CAMTA1: variants seen among roughly 807,000 people sequenced by gnomAD.
CAMTA1 encodes the protein calmodulin binding transcription activator 1.
In CAMTA1, 27 loss-of-function variants were observed where a neutral mutation model predicts 170.9. That is an observed-to-expected ratio of 0.16 (90% CI 0.12 to 0.22). The LOEUF is 0.22. CAMTA1 is among the 10% of genes least tolerant of loss of function. The pLI, the probability that CAMTA1 is intolerant of heterozygous loss-of-function variation, is 1.00. For missense variants in CAMTA1, 1,619 were observed against 2,217.2 expected (o/e 0.73, Z 5.42); for synonymous variants, 833 against 891.5 (o/e 0.93, Z 1.17).
chr1:7,357,141 A>T (rs2085177391), intron 5 of CAMTA1, among the ~76,000 whole-genome samples: 1 of 152,210 alleles, frequency 6.6e-6, no homozygotes, highest in Non-Finnish European at 1.5e-5. Context: ...GAATTTCAGG[A>T]TGAAACCAAG....
intron 4 of CAMTA1, among the ~76,000 whole-genome samples, chr1:7,181,327 G>A (rs1354608061): frequency 2.0e-5 from 3 of 152,124 alleles, no homozygotes; most frequent in Non-Finnish European, 4.4e-5. Flanking sequence ...TAAAGACCAG[G>A]ATCAAGGCAA....
intron 6 of CAMTA1, among the ~76,000 whole-genome samples, chr1:7,596,735 G>A (rs978701824): frequency 1.3e-5 from 2 of 152,230 alleles, no homozygotes; most frequent in African/African-American, 2.4e-5. Context: ...CAAGCCCCAC[G>A]GCACTTGCTT....
At position 7,748,683 on chromosome 1, in the gene CAMTA1, C is replaced by T. The variant is rs1383486767; in HGVS notation, c.4689+902C>T. Among the ~76,000 whole-genome samples, 3 of 152,156 alleles carry T rather than the reference C, an allele frequency of 2.0e-5. No homozygotes were observed. Among genetic ancestry groups the T allele is most frequent in the Non-Finnish European group, 4.4e-5 (3 of 68,016 alleles). On this transcript the variant is annotated intron_variant, in intron 19 of 22. Coordinates refer to ENST00000303635, the MANE Select transcript of CAMTA1 (RefSeq NM_015215.4). The surrounding 1 kb of genome is among the most constrained non-coding windows in gnomAD (Gnocchi z 4.7). ...AAGGTATTTAATCTTTGGCCATTTT[C>T]CTTTCAGCTTCTTATCCATTTTAAA...
In CAMTA1 at chr1:6,895,348, A is replaced by G. The variant is rs1675396755; in HGVS notation, c.234+70138A>G. Among the ~76,000 whole-genome samples the G allele has an allele frequency of 2.0e-5, 3 of 152,068 alleles. No individual in the cohort carries two copies. The South Asian group carries it at 6.2e-4, about 31-fold the overall frequency. On this transcript the variant is annotated intron_variant, in intron 3 of 22. Coordinates refer to ENST00000303635, the MANE Select transcript of CAMTA1 (RefSeq NM_015215.4). ...ACCCATCTTTCTCCTTCCAAAATAC[A>G]TCCATCTTTGCACATCTCTGCTAGT...
rs753137031 is a variant in CAMTA1, at chr1:7,664,330, T to C, written c.1783T>C (p.Tyr595His). ...DFSAIDSNKDYTSSFSQTGHS... is the reference protein window; with the variant it reads ...DFSAIDSNKDHTSSFSQTGHS... The stretch of plus-strand genomic sequence containing the variant: ...CAGCGCCATCGACTCCAACAAGGAC[T>C]ACACGTCCAGCTTCAGCCAGACGGG... Residue 595 changes from tyrosine (Y) to histidine (H), a missense_variant, in exon 9 of 23, where the codon TAC (tyrosine) becomes CAC (histidine). Tyr to His is a moderately conservative substitution (Grantham distance 83). Transcript: ENST00000303635. 1.2e-6 allele frequency: 2 copies of C among 1,613,460 alleles called. No homozygotes were observed. The highest frequency in any genetic ancestry group is 1.7e-6 in the Non-Finnish European group (2 of 1,180,006).
At chr1:6,999,764 G>A (rs1697930182) in intron 3 of CAMTA1, among the ~76,000 whole-genome samples, 1 of 152,162 alleles carries the variant, frequency 6.6e-6, no homozygotes. Flanking sequence ...ACAGGTCTAG[G>A]CCAGGGGCAG....
chr1:7,466,044 A>T (rs1490644113), intron 5 of CAMTA1, among the ~76,000 whole-genome samples: 1 of 152,210 alleles, frequency 6.6e-6, no homozygotes, highest in East Asian at 1.9e-4. Context: ...GGCTCATCAC[A>T]TGAGTCAAAG....
chr1:7,094,141 G>A (rs1049322847), intron 4 of CAMTA1, among the ~76,000 whole-genome samples: 7 of 152,162 alleles, frequency 4.6e-5, no homozygotes, highest in Non-Finnish European at 8.8e-5. Context: ...TTTCCTATTA[G>A]TATTATAATA....
chr1:7,405,532 G>A (rs113438399), intron 5 of CAMTA1, among the ~76,000 whole-genome samples: 2,609 of 90,384 alleles, frequency 0.029, 70 homozygotes, highest in African/African-American at 0.12. Context: ...CACCATGCCT[G>A]GCTAATTTTT....
At chr1:7,020,408 G>C (rs1359712364) in intron 3 of CAMTA1, among the ~76,000 whole-genome samples, 1 of 152,238 alleles carries the variant, frequency 6.6e-6, no homozygotes, top group Non-Finnish European at 1.5e-5. Flanking sequence ...GGCTGGATGA[G>C]TCTAGCCTGG....
At chr1:7,712,347 G>A (rs1360880443) in intron 11 of CAMTA1, among the ~76,000 whole-genome samples, 1 of 151,592 alleles carries the variant, frequency 6.6e-6, no homozygotes, top group East Asian at 1.9e-4. Flanking sequence ...TTGAGACAGG[G>A]TCTGACTCTG....
chr1:7,616,488 G>A (rs2095559615), intron 6 of CAMTA1, among the ~76,000 whole-genome samples: 1 of 152,260 alleles, frequency 6.6e-6, no homozygotes, highest in Non-Finnish European at 1.5e-5. Context: ...GCCCAGGACT[G>A]CAAGGCGAAG....
intron 3 of CAMTA1, among the ~76,000 whole-genome samples, chr1:6,897,191 G>C (rs1454945648): frequency 6.6e-6 from 1 of 152,220 alleles, no homozygotes; most frequent in Non-Finnish European, 1.5e-5. Flanking sequence ...GTTGAGCACA[G>C]GCAGAGTCAG....
intron 6 of CAMTA1, among the ~76,000 whole-genome samples, chr1:7,537,910 TCTCAAAGG>T (rs1359968980): frequency 6.6e-6 from 1 of 152,248 alleles, no homozygotes; most frequent in African/African-American, 2.4e-5. Flanking sequence ...AACCTGTTCC[TCTCAAAGG>T]GGTCTTTTCC....
At chr1:7,452,938 G>C (rs1221119799) in intron 5 of CAMTA1, among the ~76,000 whole-genome samples, 1 of 152,228 alleles carries the variant, frequency 6.6e-6, no homozygotes, top group Non-Finnish European at 1.5e-5. Flanking sequence ...ATGGGCCACA[G>C]TTTCTCTATG....
intron 3 of CAMTA1, among the ~76,000 whole-genome samples, chr1:7,035,343 T>C (rs963915369): frequency 6.6e-6 from 1 of 151,812 alleles, no homozygotes; most frequent in Non-Finnish European, 1.5e-5. Context: ...GAGGTTGCAG[T>C]GAGCCGAGAT....
At chr1:7,364,533 C>T (rs1338241817) in intron 5 of CAMTA1, among the ~76,000 whole-genome samples, 1 of 151,832 alleles carries the variant, frequency 6.6e-6, no homozygotes, top group Non-Finnish European at 1.5e-5. Flanking sequence ...CACTGCTTTC[C>T]TGGGTTTCTT....
At position 6,790,518 on chromosome 1, in the gene CAMTA1, C is replaced by T. The variant is rs193257474; in HGVS notation, c.45+4943C>T. 4.1e-3 allele frequency among the ~76,000 whole-genome samples: 629 copies of T among 152,140 alleles called. 5 individuals carry two copies. The highest frequency in any genetic ancestry group is 5.3e-3 in the Non-Finnish European group (358 of 68,006). On this transcript the variant is annotated intron_variant, in intron 1 of 22. Transcript: ENST00000303635. ...TTATTTAATATTTGAACGGCAGCAT[C>T]GCACTAGGCATTCTATAGAACATAG... is the stretch of plus-strand genomic sequence containing the variant.
intron 6 of CAMTA1, among the ~76,000 whole-genome samples, chr1:7,605,678 T>C (rs2095480560): frequency 6.6e-6 from 1 of 152,236 alleles, no homozygotes; most frequent in Non-Finnish European, 1.5e-5. Flanking sequence ...CTTGGTGTGC[T>C]GCGCCCACTG....
Sources: allele counts gnomAD v4.1 joint callset (sites outside exome capture counted in the v4.1 genomes callset), GRCh38; gene constraint gnomAD v4.1.1; non-coding constraint Gnocchi (gnomAD v3.1); transcripts MANE v1.5; gene names NCBI Gene and HGNC (gene_info 2026-07-23, HGNC 2026-07-21).